LEPR: variants seen among roughly 807,000 people sequenced by gnomAD.
The protein encoded by LEPR is OB receptor.
Under a neutral mutation model 114.7 loss-of-function variants are expected in LEPR, and 56 were observed. The ratio of observed to expected loss-of-function variants is 0.49; its 90% CI spans 0.39 to 0.61. The LOEUF is 0.61. Ranked by LOEUF, LEPR falls within the 20% of genes least tolerant of loss-of-function variation. LEPR has a pLI of 0.00. For synonymous variants in LEPR, 443 were observed against 461.4 expected, an observed-to-expected ratio of 0.96 and a Z score of 0.51; for missense variants, 1,202 against 1,352.9, an observed-to-expected ratio of 0.89 and a Z score of 1.75.
chr1:65,537,706 A>G (rs1312834628), intron 2 of LEPR, among the ~76,000 whole-genome samples: 3 of 152,202 alleles, frequency 2.0e-5, no homozygotes, highest in Admixed American at 6.5e-5. Context: ...CTTGTATATT[A>G]TAACACCTAA....
chr1:65,587,131 A>G (rs1387145584), intron 5 of LEPR, among the ~76,000 whole-genome samples: 1 of 152,068 alleles, frequency 6.6e-6, no homozygotes, highest in Non-Finnish European at 1.5e-5. Context: ...AAAATTTTCT[A>G]TCATTTAAAA....
At chr1:65,435,252 G>T (rs1266094095) in intron 2 of LEPR, 1 of 984,644 alleles carries the variant, frequency 1.0e-6, no homozygotes, top group Non-Finnish European at 1.2e-6. Flanking sequence ...TACCTCTGAG[G>T]TATCTCCTCA....
chr1:65,603,103 T>C lies in LEPR; in HGVS notation c.1403+1143T>C, dbSNP rs188054941. 2.2e-3 allele frequency among the ~76,000 whole-genome samples: 341 copies of C among 152,292 alleles called. 1 individual carries two copies. Among genetic ancestry groups the C allele is most frequent in the African/African-American group, 7.6e-3 (316 of 41,560 alleles). ...CCCTAAGCCTCAATTTCCTTGTCTG[T>C]AAAACAGAGAGAATAATAGGACTTA... On this transcript the variant is annotated intron_variant, in intron 10 of 19. Coordinates refer to ENST00000349533, the MANE Select transcript of LEPR (RefSeq NM_002303.6).
chr1:65,629,233 A>ATTT, intron 19 of LEPR: 1 of 259,356 alleles, frequency 3.9e-6, no homozygotes, highest in Non-Finnish European at 7.5e-6. Context: ...CTCCCCTGCT[A>ATTT]TTTTTTTTTT....
chr1:65,460,632 C>G (rs886890802), intron 2 of LEPR, among the ~76,000 whole-genome samples: 66 of 152,198 alleles, frequency 4.3e-4, no homozygotes, highest in African/African-American at 1.5e-3. Flanking sequence ...CGCTTGGAAT[C>G]CTGGCAGTTT....
Position 65,445,796 on chromosome 1 carries a change from T to TTTA in LEPR, c.-21+20418_-21+20419insTTA, listed in dbSNP as rs757334158. Among the ~76,000 whole-genome samples, 414 of 152,290 alleles carry TTTA rather than the reference T, an allele frequency of 2.7e-3. 2 individuals are homozygous for TTTA. The highest frequency in any genetic ancestry group is 0.024 in the Middle Eastern group (7 of 294). Reference sequence around the variant, plus strand: ...ATTTCAACTAATATAGAAGACTTAATCAATTCTCAATTACATGTTGTAAAT... The same window carrying TTTA: ...ATTTCAACTAATATAGAAGACTTAATTTACAATTCTCAATTACATGTTGTAAAT... On this transcript the variant is annotated intron_variant, in intron 2 of 19. Coordinates refer to ENST00000349533, the MANE Select transcript of LEPR (RefSeq NM_002303.6).
intron 2 of LEPR, among the ~76,000 whole-genome samples, chr1:65,555,036 C>A (rs568860925): frequency 6.6e-6 from 1 of 152,196 alleles, no homozygotes; most frequent in African/African-American, 2.4e-5. Context: ...CCTCCGTGGG[C>A]GGCACCCACT....
chr1:65,588,846 A>C (rs759216680), intron 5 of LEPR, among the ~76,000 whole-genome samples: 2 of 152,096 alleles, frequency 1.3e-5, no homozygotes, highest in Non-Finnish European at 2.9e-5. Context: ...ATAGGCATTT[A>C]AATTGTTTAT....
chr1:65,529,343 A>C (rs1258736036), intron 2 of LEPR, among the ~76,000 whole-genome samples: 4 of 151,724 alleles, frequency 2.6e-5, no homozygotes, highest in African/African-American at 9.7e-5. Flanking sequence ...AGATGGTGAA[A>C]TCCCATCTCT....
intron 19 of LEPR, 134 bp from the exon 20 acceptor site, chr1:65,636,057 T>C (rs1658708717): frequency 9.9e-7 from 1 of 1,008,362 alleles, no homozygotes; most frequent in African/African-American, 1.6e-5. Context: ...TGTATTTTAG[T>C]CAAAAACTAG....
chr1:65,570,900 A>G (rs1362506239), intron 4 of LEPR, 98 bp downstream of exon 4: 7 of 1,041,018 alleles, frequency 6.7e-6, no homozygotes, highest in African/African-American at 3.2e-5. Context: ...TTTAACATAC[A>G]TAATCATTTT....
At chr1:65,563,220 T>G (rs1653393808) in intron 2 of LEPR, among the ~76,000 whole-genome samples, 2 of 77,432 alleles carry the variant, frequency 2.6e-5, no homozygotes, top group African/African-American at 1.0e-4. Context: ...TCTTTTCACA[T>G]AGTCCCATAT....
intron 11 of LEPR, among the ~76,000 whole-genome samples, chr1:65,607,921 CT>C (rs1656916731): frequency 6.6e-6 from 1 of 152,130 alleles, no homozygotes; most frequent in South Asian, 2.1e-4. Flanking sequence ...TACATTACAC[CT>C]TTAAACATGT....
At chr1:65,610,438 G>A in intron 14 of LEPR, 142 bp downstream of exon 14, 1 of 741,970 alleles carries the variant, frequency 1.3e-6, no homozygotes, top group Non-Finnish European at 2.2e-6. Context: ...TATTTAAAGA[G>A]AGCTAAGATG....
intron 2 of LEPR, among the ~76,000 whole-genome samples, chr1:65,487,523 A>G (rs1010667729): frequency 1.3e-5 from 2 of 151,980 alleles, no homozygotes; most frequent in Admixed American, 6.6e-5. Context: ...ATCTAAATAT[A>G]TATACATAGC....
intron 19 of LEPR, chr1:65,634,661 C>T (rs1271695947): frequency 1.0e-6 from 1 of 977,540 alleles, no homozygotes; most frequent in African/African-American, 1.8e-5. Context: ...TCAAACACAT[C>T]ATTTGAAGGA....
intron 5 of LEPR, among the ~76,000 whole-genome samples, chr1:65,586,649 C>A (rs1655338299): frequency 6.6e-6 from 1 of 151,098 alleles, no homozygotes. Flanking sequence ...TGTAAGTAAC[C>A]ATTCTTAGCT....
intron 2 of LEPR, chr1:65,434,828 C>T (rs1249072265): frequency 1.0e-6 from 1 of 985,494 alleles, no homozygotes; most frequent in African/African-American, 1.7e-5. Context: ...CCAGAGTCAC[C>T]CACCCTTCTC....
At chr1:65,481,822 TA>T (rs76503407) in intron 2 of LEPR, among the ~76,000 whole-genome samples, 6,130 of 117,032 alleles carry the variant, frequency 0.052, 385 homozygotes, top group African/African-American at 0.17. Context: ...CTAATGTTAC[TA>T]AAAAAAAAAA....
Sources: allele counts gnomAD v4.1 joint callset (sites outside exome capture counted in the v4.1 genomes callset), GRCh38; gene constraint gnomAD v4.1.1; transcripts MANE v1.5; gene names NCBI Gene and HGNC (gene_info 2026-07-23, HGNC 2026-07-21).